ZNF182: variants seen among roughly 807,000 people sequenced by gnomAD.
ZNF182 encodes the protein zinc finger protein 182, also known as zinc finger protein 21 (KOX 14).
Under a neutral mutation model 28.1 loss-of-function variants are expected in ZNF182, and 10 were observed. The observed-to-expected ratio is 0.36, with a 90% CI of 0.22 to 0.60. The LOEUF is 0.60. ZNF182 is among the 20% of genes least tolerant of loss of function. The pLI, the probability that ZNF182 is intolerant of heterozygous loss-of-function variation, is 0.75. For synonymous variants in ZNF182, 156 were observed against 158.7 expected (o/e 0.98, Z 0.13); for missense variants, 352 against 453.2 (o/e 0.78, Z 2.03).
At chrX:47,988,025 ATG>A (rs2058928657) in intron 3 of ZNF182, among the ~76,000 whole-genome samples, 1 of 111,476 alleles carries the variant, frequency 9.0e-6, no homozygotes, top group African/African-American at 3.3e-5. Context: ...TTATGTTAAA[ATG>A]TGATCCTGGC....
At position 47,975,310 on chromosome X, in the gene ZNF182, A is replaced by G. The variant is rs781820038; in HGVS notation, c.*857T>C. ...TTTTGTTTTCACAAACGCTGCATTA[A>G]TGAATACTGTATGTTCATCATTTTG... On this transcript the variant is annotated 3_prime_UTR_variant, in exon 6 of 6. Transcript: ENST00000376943. 1 of 9,455 alleles carries G rather than the reference A, an allele frequency of 1.1e-4. No individual in the cohort carries two copies. The highest frequency in any genetic ancestry group is 6.0e-3 in the South Asian group (1 of 168). The allele number at this position is 9,455 out of a possible 1,213,427, so 0.8% of individuals were successfully genotyped here.
chrX:47,998,382 A>G (rs1215359205), intron 3 of ZNF182, among the ~76,000 whole-genome samples: 1 of 112,498 alleles, frequency 8.9e-6, no homozygotes, highest in Non-Finnish European at 1.9e-5. Flanking sequence ...TTCTTAGAAC[A>G]TAATGAATTT....
At chrX:47,986,619 TGATTG>T (rs1556899844) in intron 3 of ZNF182, among the ~76,000 whole-genome samples, 3 of 111,778 alleles carry the variant, frequency 2.7e-5, no homozygotes, top group Admixed American at 9.5e-5. Flanking sequence ...AGTGTCAACT[TGATTG>T]GATTGAAGGA....
intron 3 of ZNF182, chrX:47,988,750 C>T: frequency 3.4e-6 from 1 of 292,695 alleles, no homozygotes; most frequent in South Asian, 2.1e-4. Context: ...TCAGGGACAA[C>T]TGAGCATCGA....
chrX:48,000,336 C>T (rs914350946), intron 3 of ZNF182, among the ~76,000 whole-genome samples: 10 of 110,219 alleles, frequency 9.1e-5, no homozygotes, highest in East Asian at 2.9e-4. Context: ...CCGAGGTGGG[C>T]GGATCACCTG....
chrX:48,003,138 AC>A (rs1374951698), intron 2 of ZNF182, among the ~76,000 whole-genome samples: 3 of 112,195 alleles, frequency 2.7e-5, no homozygotes, highest in African/African-American at 6.5e-5. Flanking sequence ...TAAAAGGTGT[AC>A]AAAAAAATCC....
Position 47,983,025 on chromosome X carries a change from G to T in ZNF182, c.156C>A (p.Thr52=), listed in dbSNP as rs368158358. 1 of 1,211,025 alleles carries T rather than the reference G, an allele frequency of 8.3e-7. No individual in the cohort carries two copies. Among genetic ancestry groups the T allele is most frequent in the Non-Finnish European group, 1.1e-6 (1 of 895,099 alleles). The change falls in exon 5 of 6, where the codon ACC becomes ACA. Residue 52 remains threonine (T), a synonymous_variant. Transcript: ENST00000376943. The part of the protein sequence containing the change: ...SNLVFVGQQV[T]KPNLILKLEV... The stretch of plus-strand genomic sequence containing the variant: ...CCAACTTGAGGATGAGGTTTGGTTT[G>T]GTAACCTGCTGCCCTGTTGATGAGA...
At chrX:47,992,095 T>C (rs2058943944) in intron 3 of ZNF182, among the ~76,000 whole-genome samples, 1 of 111,112 alleles carries the variant, frequency 9.0e-6, no homozygotes, top group African/African-American at 3.3e-5. Context: ...AGCCAGGAAA[T>C]GTTCTTCATC....
chrX:47,988,408 C>T (rs2058930189), intron 3 of ZNF182: 2 of 325,640 alleles, frequency 6.1e-6, no homozygotes, highest in Admixed American at 4.9e-5. Flanking sequence ...TGGCTTGGTG[C>T]CATTCCTTTG....
chrX:47,983,205 G>C lies in ZNF182; in HGVS notation c.142+80C>G. ...ACAAACACTTTTTCAGGAGAGAAAA[G>C]AGGGAACTGAGAAAGGAAATGCCTT... On this transcript the variant is annotated intron_variant, in intron 4 of 5. Coordinates refer to ENST00000376943, the MANE Select transcript of ZNF182 (RefSeq NM_001007088.2). 1.6e-5 allele frequency: 19 copies of C among 1,177,705 alleles called. No individual in the cohort carries two copies. The South Asian group carries it at 3.4e-4, about 21-fold the overall frequency.
chrX:47,995,501 C>T (rs1298206274), intron 3 of ZNF182, among the ~76,000 whole-genome samples: 1 of 111,607 alleles, frequency 9.0e-6, no homozygotes, highest in Non-Finnish European at 1.9e-5. Context: ...AAAAACACTG[C>T]AGAAACATGA....
intron 3 of ZNF182, among the ~76,000 whole-genome samples, chrX:47,985,634 T>C (rs2058920963): frequency 9.0e-6 from 1 of 111,054 alleles, no homozygotes; most frequent in Non-Finnish European, 1.9e-5. Flanking sequence ...GTTATATGAG[T>C]CATTCTACCA....
At chrX:48,002,719 A>G (rs2058982751) in intron 2 of ZNF182, 66 bp from the exon 3 acceptor site, 2 of 960,028 alleles carry the variant, frequency 2.1e-6, no homozygotes, top group Admixed American at 5.1e-5. Flanking sequence ...GCCCAGAATT[A>G]GCTGCCTAGC....
At chrX:47,989,818 A>G (rs147300793) in intron 3 of ZNF182, among the ~76,000 whole-genome samples, 105 of 111,983 alleles carry the variant, frequency 9.4e-4, no homozygotes, top group Middle Eastern at 9.2e-3. Flanking sequence ...TGACAATTAC[A>G]AAGACTTCAG....
intron 3 of ZNF182, among the ~76,000 whole-genome samples, chrX:48,000,287 C>T (rs1380697895): frequency 4.5e-5 from 5 of 111,322 alleles, no homozygotes; most frequent in African/African-American, 9.8e-5. Context: ...AAGAGCCGGG[C>T]GCGGTGGCTC....
At chrX:47,982,709 A>C (rs1166213564) in intron 5 of ZNF182, among the ~76,000 whole-genome samples, 2 of 111,254 alleles carry the variant, frequency 1.8e-5, no homozygotes, top group Admixed American at 9.6e-5. Context: ...TTCATACGGG[A>C]CAAAAGGAAC....
chrX:47,981,846 G>A (rs2058906835), intron 5 of ZNF182, among the ~76,000 whole-genome samples: 1 of 107,089 alleles, frequency 9.3e-6, no homozygotes, highest in Non-Finnish European at 1.9e-5. Context: ...GTTGCAGTGA[G>A]CCAAGATCAC....
intron 3 of ZNF182, among the ~76,000 whole-genome samples, chrX:47,995,714 C>G (rs56062943): frequency 0.024 from 2,748 of 112,240 alleles, 44 homozygotes; most frequent in African/African-American, 0.05. Context: ...CCAAAGAAAT[C>G]CACACTCAGA....
intron 5 of ZNF182, among the ~76,000 whole-genome samples, chrX:47,978,319 T>C (rs2058893290): frequency 9.0e-6 from 1 of 111,064 alleles, no homozygotes; most frequent in African/African-American, 3.3e-5. Context: ...TCCTCCCGCC[T>C]CAGCCTCCCA....
Sources: allele counts gnomAD v4.1 joint callset (sites outside exome capture counted in the v4.1 genomes callset), GRCh38; gene constraint gnomAD v4.1.1; transcripts MANE v1.5; gene names NCBI Gene and HGNC (gene_info 2026-07-23, HGNC 2026-07-21).